DOCK9: variants seen among roughly 807,000 people sequenced by gnomAD.
The protein encoded by DOCK9 is dedicator of cytokinesis 9, also known as dedicator of cytokinesis protein 9.
A neutral mutation model predicts 263.3 loss-of-function variants in DOCK9; 89 were observed. The ratio of observed to expected loss-of-function variants is 0.34; its 90% CI spans 0.28 to 0.40. The LOEUF is 0.40. Ranked by LOEUF, DOCK9 falls within the 10% of genes least tolerant of loss-of-function variation. DOCK9 has a pLI of 1.00. For missense variants in DOCK9, 2,140 were observed against 2,603.4 expected (o/e 0.82, Z 3.87); for synonymous variants, 976 against 973.1 (o/e 1.00, Z -0.06).
chr13:98,896,466 T>C (rs1337279335), intron 15 of DOCK9, among the ~76,000 whole-genome samples: 3 of 147,290 alleles, frequency 2.0e-5, no homozygotes, highest in African/African-American at 5.0e-5. Flanking sequence ...GACAAACTGA[T>C]AAGATTGCTA....
chr13:98,970,651 C>T (rs1166943727), intron 1 of DOCK9, among the ~76,000 whole-genome samples: 1 of 152,178 alleles, frequency 6.6e-6, no homozygotes, highest in Non-Finnish European at 1.5e-5. Context: ...TTACATTTGT[C>T]AGGAAAGGGA....
intron 10 of DOCK9, among the ~76,000 whole-genome samples, chr13:98,903,369 G>A (rs1041011957): frequency 3.9e-5 from 6 of 151,966 alleles, no homozygotes; most frequent in Non-Finnish European, 7.4e-5. Flanking sequence ...CGAGGCTGGC[G>A]GCTCACCAGG....
At chr13:99,012,611 G>T (rs1314305994) in intron 1 of DOCK9, among the ~76,000 whole-genome samples, 1 of 152,184 alleles carries the variant, frequency 6.6e-6, no homozygotes, top group African/African-American at 2.4e-5. Context: ...CACATATGAA[G>T]ATAAAGTCAG....
At chr13:99,037,866 C>A (rs1888055321) in intron 1 of DOCK9, among the ~76,000 whole-genome samples, 3 of 152,314 alleles carry the variant, frequency 2.0e-5, no homozygotes, top group Middle Eastern at 6.8e-3. Flanking sequence ...AGAGTTCATA[C>A]TCTGATTCCA....
rs116998910 is a variant in DOCK9 at position 98,936,826 on chromosome 13, T to G, written c.244-6569A>C. On this transcript the variant is annotated intron_variant, in intron 2 of 52. Transcript: ENST00000682017. ...TCTGTTTTAATTTCTCCACAGATTT[T>G]ATGTATTAAAAGTCATATTCAGATA... Among the ~76,000 whole-genome samples the G allele has an allele frequency of 6.6e-3, 1,009 of 152,310 alleles. 5 individuals are homozygous for G. Among genetic ancestry groups the G allele is most frequent in the Middle Eastern group, 0.02 (6 of 294 alleles).
intron 1 of DOCK9, among the ~76,000 whole-genome samples, chr13:98,995,159 A>G (rs184703356): frequency 2.4e-4 from 36 of 152,334 alleles, no homozygotes; most frequent in African/African-American, 7.9e-4. Context: ...ACAGAAACAA[A>G]ACACCGTTCC....
chr13:98,882,180 T>C (rs1201790183), intron 23 of DOCK9, among the ~76,000 whole-genome samples, 173 bp from the exon 24 acceptor site: 1 of 152,066 alleles, frequency 6.6e-6, no homozygotes, highest in African/African-American at 2.4e-5. Flanking sequence ...CACATGTGAA[T>C]ACATCACATG....
chr13:98,822,677 A>AAACC (rs961965904), intron 45 of DOCK9, among the ~76,000 whole-genome samples: 1 of 152,106 alleles, frequency 6.6e-6, no homozygotes, highest in Non-Finnish European at 1.5e-5. Flanking sequence ...TAAAACAAAC[A>AAACC]AACAAACAAA....
chr13:98,927,201 G>C (rs539952294), intron 3 of DOCK9, among the ~76,000 whole-genome samples: 2 of 152,232 alleles, frequency 1.3e-5, no homozygotes, highest in Non-Finnish European at 2.9e-5. Flanking sequence ...TTACTCTGTA[G>C]TTAAGAATAT....
chr13:98,888,543 A>G lies in DOCK9; in HGVS notation c.1794T>C (p.Tyr598=). Residue 598 remains tyrosine (Y), a synonymous_variant, in exon 17 of 53, where the codon TAT becomes TAC. Transcript: ENST00000682017. ...IDNVSSDFPN[Y]VNSSYIPTKQ... ...TTGTGGGAATGTATGATGAATTAAC[A>G]TAATCTGCAAAGATATTCAAAATAA... 2 of 1,613,868 alleles carry G rather than the reference A, an allele frequency of 1.2e-6. No individual in the cohort carries two copies. The highest frequency in any genetic ancestry group is 1.7e-6 in the Non-Finnish European group (2 of 1,179,782).
chr13:98,835,175 T>A (rs532292016), intron 39 of DOCK9, among the ~76,000 whole-genome samples: 7 of 152,350 alleles, frequency 4.6e-5, no homozygotes, highest in Non-Finnish European at 1.0e-4. Context: ...GATTTCTGGA[T>A]TGTCTTTGGC....
intron 1 of DOCK9, among the ~76,000 whole-genome samples, chr13:99,016,465 T>C (rs1269072587): frequency 6.6e-6 from 1 of 152,232 alleles, no homozygotes; most frequent in Non-Finnish European, 1.5e-5. Flanking sequence ...AATAAAGGGC[T>C]ACCCAGTCTG....
Position 99,042,279 on chromosome 13 carries a change from T to C in DOCK9, c.129+43944A>G, listed in dbSNP as rs574162333. 2.6e-5 allele frequency among the ~76,000 whole-genome samples: 4 copies of C among 152,354 alleles called. No homozygotes were observed. The East Asian group carries it at 7.7e-4, about 29-fold the overall frequency. ...ACTGCCTTGAGATCAGGCAGCAAGA[T>C]GTGGCAGGGCAGCATGTTGTGAGGT... is the stretch of plus-strand genomic sequence containing the variant. On this transcript the variant is annotated intron_variant, in intron 1 of 32. Transcript: ENST00000427887.
At chr13:98,944,949 G>C (rs541319649) in intron 2 of DOCK9, among the ~76,000 whole-genome samples, 2 of 152,266 alleles carry the variant, frequency 1.3e-5, no homozygotes, top group Non-Finnish European at 2.9e-5. Context: ...TTCAGTTTAG[G>C]AAAATAACAC....
chr13:98,797,132 C>G lies in DOCK9; in HGVS notation c.6139G>C (p.Glu2047Gln), dbSNP rs759325705. The change falls in exon 52 of 53, where the codon GAA becomes CAA. Residue 2047 changes from glutamate (E) to glutamine (Q), a missense_variant. Glu to Gln is a conservative substitution (Grantham distance 29, BLOSUM62 2). This residue lies in a region of DOCK9 where 619 missense variants were observed against 861.8 expected (regional missense o/e 0.72). Transcript: ENST00000682017. The stretch of plus-strand genomic sequence containing the variant: ...GCCCTCACCTGCTCATGCATGATTT[C>G]AGAAAGCTCCTTCGCCATTTCCCTG... ...NYREMAKELSEIMHEQICPLE... is the reference protein window; with the variant it reads ...NYREMAKELSQIMHEQICPLE... 1.9e-6 allele frequency: 3 copies of G among 1,613,906 alleles called. No individual in the cohort carries two copies. In the South Asian group the frequency reaches 3.3e-5, roughly 18 times the overall value.
At chr13:98,973,644 T>C (rs1490303566) in intron 1 of DOCK9, among the ~76,000 whole-genome samples, 3 of 152,224 alleles carry the variant, frequency 2.0e-5, no homozygotes, top group Admixed American at 6.5e-5. Context: ...TCACCCAGCC[T>C]GGAGTCCAGT....
In DOCK9 at chr13:98,863,051, C is replaced by T; in HGVS notation, c.3547G>A (p.Asp1183Asn). 1.9e-6 allele frequency: 3 copies of T among 1,610,932 alleles called. No homozygotes were observed. Among genetic ancestry groups the T allele is most frequent in the South Asian group, 1.1e-5 (1 of 89,900 alleles). ...GCGTTCACAGGGAAGGGTGACACAT[C>T]CCTCACATTGATCCGCTGGACGTTT... ...IENVQRINVR[D>N]VSPFPVNAGM... is the part of the protein sequence containing the mutation. The change falls in exon 32 of 53, where the codon GAT (aspartate) becomes AAT (asparagine). Residue 1183 changes from aspartate (D) to asparagine (N), a missense_variant. Physicochemically the swap from Asp to Asn is conservative, Grantham distance 23. Around this residue, in one of 2 missense-constraint regions of DOCK9, gnomAD observed 1,521 missense variants for 1,741.7 expected, o/e 0.87. Transcript: ENST00000682017.
rs1185567738 is a variant in DOCK9, at chr13:98,823,736, A to C, written c.5130+662T>G. ...AAAACTGGCATTTATTCAAATATCT[A>C]GTTTTATGTCAAAACTCGCCAGTTA... is the stretch of plus-strand genomic sequence containing the variant. On this transcript the variant is annotated intron_variant, in intron 45 of 52. Transcript: ENST00000682017. 2.6e-5 allele frequency among the ~76,000 whole-genome samples: 4 copies of C among 152,242 alleles called. No homozygotes were observed. In the East Asian group the frequency reaches 7.7e-4, roughly 29 times the overall value.
In DOCK9 at chr13:98,966,889, G is replaced by A. The variant is rs1595713554; in HGVS notation, c.126+10895C>T. Among the ~76,000 whole-genome samples the A allele has an allele frequency of 3.3e-5, 5 of 152,306 alleles. No homozygotes were observed. In the South Asian group the frequency reaches 1.0e-3, roughly 32 times the overall value. On this transcript the variant is annotated intron_variant, in intron 1 of 52. Transcript: ENST00000682017. ...TTACATCAGTACAATGGTTCTCTAA[G>A]TTTGGTCCTGGGCTAGCATCAGCAT...
Sources: allele counts gnomAD v4.1 joint callset (sites outside exome capture counted in the v4.1 genomes callset), GRCh38; gene constraint gnomAD v4.1.1; regional missense constraint gnomAD v4.1.1; transcripts MANE v1.5; gene names NCBI Gene and HGNC (gene_info 2026-07-23, HGNC 2026-07-21).